TENM3: variants seen among roughly 807,000 people sequenced by gnomAD.
TENM3 encodes teneurin-3.
In TENM3, 63 loss-of-function variants were observed where a neutral mutation model predicts 255.1. That is an observed-to-expected ratio of 0.25 (90% CI 0.20 to 0.30). The LOEUF is 0.30. Among genes scored for constraint, TENM3 ranks in the 10% least tolerant of loss-of-function variants. The pLI is 1.00. For missense variants in TENM3, 2,929 were observed against 3,461.1 expected, an observed-to-expected ratio of 0.85 and a Z score of 3.86; for synonymous variants, 1,306 against 1,322.3, an observed-to-expected ratio of 0.99 and a Z score of 0.27.
chr4:182,307,538 T>A (rs1422778065), intron 1 of TENM3, among the ~76,000 whole-genome samples: 2 of 152,210 alleles, frequency 1.3e-5, no homozygotes, highest in Non-Finnish European at 2.9e-5. Context: ...TAATGCTCCA[T>A]CCAAATTAAA....
intron 22 of TENM3, among the ~76,000 whole-genome samples, chr4:182,766,876 G>A (rs1437199159): frequency 2.6e-5 from 4 of 152,134 alleles, no homozygotes; most frequent in Non-Finnish European, 5.9e-5. Context: ...TCGCATTGGG[G>A]TTACCAACAC....
At chr4:182,678,302 T>C (rs1413120798) in intron 7 of TENM3, among the ~76,000 whole-genome samples, 2 of 152,208 alleles carry the variant, frequency 1.3e-5, no homozygotes. Flanking sequence ...CAGTCACCAA[T>C]GTTCATGTCT....
chr4:181,473,497 T>A, the TENM3 span, among the ~76,000 whole-genome samples: 3 of 151,938 alleles, frequency 2.0e-5, no homozygotes, highest in African/African-American at 7.3e-5. Flanking sequence ...GAGGCTGAGG[T>A]CGGAGACTCA....
chr4:182,698,946 G>A (rs963379007), intron 12 of TENM3, among the ~76,000 whole-genome samples: 4 of 152,166 alleles, frequency 2.6e-5, no homozygotes, highest in Admixed American at 6.5e-5. Flanking sequence ...TAATTGCTTG[G>A]TGGGTGAATA....
At chr4:181,843,479 G>C in the TENM3 span, among the ~76,000 whole-genome samples, 2 of 152,140 alleles carry the variant, frequency 1.3e-5, no homozygotes, top group Non-Finnish European at 2.9e-5. Context: ...CTAAGAATTT[G>C]AGTCTCATCT....
At chr4:182,258,772 T>C (rs1758595215) in intron 1 of TENM3, among the ~76,000 whole-genome samples, 1 of 152,212 alleles carries the variant, frequency 6.6e-6, no homozygotes, top group African/African-American at 2.4e-5. Flanking sequence ...ATTAAACTAA[T>C]GTCAGGAGTT....
chr4:182,800,168 C>A lies in TENM3; in HGVS notation c.7917C>A (p.Arg2639=). 1 of 1,494,212 alleles carries A rather than the reference C, an allele frequency of 6.7e-7. No individual in the cohort carries two copies. Among genetic ancestry groups the A allele is most frequent in the Admixed American group, 2.5e-5 (1 of 40,192 alleles). 92.6% of individuals were successfully genotyped at this position (1,494,212 alleles called of 1,614,324 possible). The change falls in exon 28 of 28, where the codon CGC becomes CGA. Residue 2639 remains arginine, a synonymous_variant. Coordinates refer to ENST00000511685, the MANE Select transcript of TENM3 (RefSeq NM_001080477.4). The part of the protein sequence containing the change: ...LARAWAREQQ[R]VRDGEEGARL... Reference sequence around the variant, plus strand: ...GGGCCTGGGCGCGCGAGCAGCAGCGCGTGCGCGACGGCGAGGAGGGCGCGC... The same window carrying A: ...GGGCCTGGGCGCGCGAGCAGCAGCGAGTGCGCGACGGCGAGGAGGGCGCGC...
chr4:181,615,209 A>C, the TENM3 span, among the ~76,000 whole-genome samples: 3 of 152,026 alleles, frequency 2.0e-5, no homozygotes, highest in African/African-American at 7.2e-5. Flanking sequence ...AGCCTTCAAA[A>C]CCATCCTCCA....
chr4:182,322,296 G>C (rs1763102576), intron 1 of TENM3, among the ~76,000 whole-genome samples: 1 of 152,176 alleles, frequency 6.6e-6, no homozygotes, highest in Non-Finnish European at 1.5e-5. Context: ...ACTTTGAACA[G>C]CTCAGTATTT....
At chr4:182,332,047 A>G (rs1047176570) in intron 2 of TENM3, among the ~76,000 whole-genome samples, 1 of 152,190 alleles carries the variant, frequency 6.6e-6, no homozygotes, top group East Asian at 1.9e-4. Context: ...ACAATTTTTT[A>G]TATTTCTATA....
chr4:181,987,512 T>G, the TENM3 span, among the ~76,000 whole-genome samples: 1 of 152,122 alleles, frequency 6.6e-6, no homozygotes, highest in Non-Finnish European at 1.5e-5. Context: ...ATTATTCACT[T>G]GATCCATTTG....
the TENM3 span, among the ~76,000 whole-genome samples, chr4:181,856,074 A>AGAAGGAAG: frequency 4.8e-5 from 1 of 20,890 alleles, no homozygotes; most frequent in African/African-American, 8.3e-5. Context: ...AAGGAAAGGA[A>AGAAGGAAG]GAAGGAAGGA....
At chr4:182,442,075 C>T (rs2151261805) in intron 3 of TENM3, among the ~76,000 whole-genome samples, 1 of 152,202 alleles carries the variant, frequency 6.6e-6, no homozygotes, top group East Asian at 1.9e-4. Flanking sequence ...GAACTGACTT[C>T]TAAGCCAAGT....
chr4:182,025,009 G>T, the TENM3 span, among the ~76,000 whole-genome samples: 1 of 137,102 alleles, frequency 7.3e-6, no homozygotes, highest in Non-Finnish European at 1.5e-5. Flanking sequence ...TGTTGCAAAT[G>T]ACAGGATTTC....
rs375823512 is a variant in TENM3, at chr4:182,800,303, C to T, written c.8052C>T (p.Ser2684=). 1.2e-5 allele frequency: 19 copies of T among 1,594,400 alleles called. No homozygotes were observed. The highest frequency in any genetic ancestry group is 2.2e-5 in the East Asian group (1 of 44,698). Residue 2684 remains serine, a synonymous_variant, in exon 28 of 28, where the codon AGC becomes AGT. Coordinates refer to ENST00000511685, the MANE Select transcript of TENM3 (RefSeq NM_001080477.4). ...SVEQYPELAD[S]ANNIQFLRQS... is the part of the protein sequence containing the mutation. ...AGCAGTACCCCGAGCTGGCCGACAG[C>T]GCCAACAACATCCAGTTCCTGCGGC...
the TENM3 span, among the ~76,000 whole-genome samples, chr4:181,777,230 G>T: frequency 6.6e-6 from 1 of 151,830 alleles, no homozygotes; most frequent in African/African-American, 2.4e-5. Context: ...AAGTATGTGG[G>T]TTTATCTCTG....
chr4:182,772,366 T>C (rs1764315139), intron 22 of TENM3, among the ~76,000 whole-genome samples: 1 of 152,196 alleles, frequency 6.6e-6, no homozygotes. Context: ...GTAACCTGTC[T>C]TTCTCTAACA....
the TENM3 span, among the ~76,000 whole-genome samples, chr4:181,983,733 G>C: frequency 9.2e-5 from 14 of 151,930 alleles, no homozygotes; most frequent in African/African-American, 3.4e-4. Flanking sequence ...CACTGGGACC[G>C]ATTTTTTTTC....
At chr4:181,853,787 C>T in the TENM3 span, among the ~76,000 whole-genome samples, 5 of 152,192 alleles carry the variant, frequency 3.3e-5, no homozygotes, top group Non-Finnish European at 7.3e-5. Flanking sequence ...AGAGGAGGTG[C>T]TTTGGCAGAT....
Sources: allele counts gnomAD v4.1 joint callset (sites outside exome capture counted in the v4.1 genomes callset), GRCh38; gene constraint gnomAD v4.1.1; transcripts MANE v1.5; gene names NCBI Gene and HGNC (gene_info 2026-07-23, HGNC 2026-07-21).